KASH5: variants seen among roughly 807,000 people sequenced by gnomAD.
KASH5 encodes the protein KASH domain containing 5.
Under a neutral mutation model 84.2 loss-of-function variants are expected in KASH5, and 72 were observed. The ratio of observed to expected loss-of-function variants is 0.85; its 90% CI spans 0.71 to 1.04. KASH5 has a LOEUF of 1.04. KASH5 is among the 50% of genes least tolerant of loss of function. The probability of loss-of-function intolerance (pLI) is 0.00; values close to 1 mark genes in which losing one functional copy is unlikely to be tolerated. For synonymous variants in KASH5, 260 were observed against 279.1 expected (o/e 0.93, Z 0.68); for missense variants, 650 against 701.0 (o/e 0.93, Z 0.82).
chr19:49,392,706 G>C (rs1974040328), intron 2 of KASH5, among the ~76,000 whole-genome samples: 1 of 152,154 alleles, frequency 6.6e-6, no homozygotes, highest in Admixed American at 6.5e-5. Flanking sequence ...GAGGTCAGGA[G>C]TTCGAGACCA....
chr19:49,414,830 C>T lies in KASH5; in HGVS notation c.1329-121C>T, dbSNP rs1974848061. ...CGTGCTGCCTGGCCTCCCCCAGGCC[C>T]GTCCGTGCTGCCTGGCCTGTGCTAA... is the stretch of plus-strand genomic sequence containing the variant. On this transcript the variant is annotated intron_variant, in intron 16 of 19. Coordinates refer to ENST00000447857, the MANE Select transcript of KASH5 (RefSeq NM_144688.5). This position sits in a 1 kb window ranked among gnomAD's most constrained non-coding sequence, Gnocchi z 4.5. 4 of 1,095,238 alleles carry T rather than the reference C, an allele frequency of 3.7e-6. No individual in the cohort carries two copies. Among genetic ancestry groups the T allele is most frequent in the Admixed American group, 2.0e-5 (1 of 50,118 alleles). 67.8% of individuals were successfully genotyped at this position (1,095,238 alleles called of 1,614,324 possible).
At chr19:49,394,399 G>A (rs1974105297) in intron 2 of KASH5, 77 bp from the exon 3 acceptor site, 2 of 1,117,692 alleles carry the variant, frequency 1.8e-6, no homozygotes, top group African/African-American at 1.5e-5. Context: ...CAGAGCCCAG[G>A]AGGCTGAGGA....
intron 12 of KASH5, among the ~76,000 whole-genome samples, 152 bp downstream of exon 12, chr19:49,407,823 C>G (rs1055711556): frequency 6.6e-6 from 1 of 152,204 alleles, no homozygotes; most frequent in East Asian, 1.9e-4. Flanking sequence ...CTGCATGTCT[C>G]CCCCTCTGTT....
In KASH5 at chr19:49,407,104, A is replaced by G. The variant is rs1331318872; in HGVS notation, c.877-136A>G. 2.3e-6 allele frequency: 3 copies of G among 1,288,592 alleles called. No individual in the cohort carries two copies. The Admixed American group carries it at 6.4e-5, about 28-fold the overall frequency. The allele number at this position is 1,288,592 out of a possible 1,614,324, so 79.8% of individuals were successfully genotyped here. On this transcript the variant is annotated intron_variant, in intron 10 of 19. Transcript: ENST00000447857. The stretch of plus-strand genomic sequence containing the variant: ...CTCCCAGGACCACCCAGGCATCCCT[A>G]AAATCCCTGAAGTCCTGGAACATCT...
In KASH5 at chr19:49,409,235, C is replaced by A; in HGVS notation, c.1098C>A (p.Thr366=). The A allele has an allele frequency of 6.2e-7, 1 of 1,613,920 alleles. No homozygotes were observed. Among genetic ancestry groups the A allele is most frequent in the Non-Finnish European group, 8.5e-7 (1 of 1,179,870 alleles). Residue 366 remains threonine, a synonymous_variant, in exon 14 of 20, where the codon ACC becomes ACA. Transcript: ENST00000447857. ...CCCAGCTGAGAAGAGTGGGCTGGAC[C>A]GAGCTGCTACCCCCATCGCTGGGCT... The part of the protein sequence containing the change: ...EGAQLRRVGW[T]ELLPPSLGLE...
intron 12 of KASH5, 76 bp from the exon 13 acceptor site, chr19:49,408,891 G>A: frequency 1.4e-6 from 2 of 1,477,724 alleles, no homozygotes; most frequent in Non-Finnish European, 1.8e-6. Flanking sequence ...AAGAACCCTG[G>A]AAGAGGAGCC....
rs148857519 is a variant in KASH5, at chr19:49,417,112, T to TG, written c.1439+37dup. On this transcript the variant is annotated intron_variant, in intron 18 of 19. Transcript: ENST00000447857. This position sits in a 1 kb window ranked among gnomAD's most constrained non-coding sequence, Gnocchi z 5.2. Reference sequence around the variant, plus strand: ...GACCCACAGGGTCCAGGAGGGACACTGGGGCAAGGAAAAACCCAGTGGTGA... The same window carrying TG: ...GACCCACAGGGTCCAGGAGGGACACTGGGGGCAAGGAAAAACCCAGTGGTGA... 8.8e-3 allele frequency: 14,127 copies of TG among 1,608,462 alleles called. 591 individuals are homozygous for TG. In the African/African-American group the frequency reaches 0.12, roughly 13 times the overall value.
At position 49,414,504 on chromosome 19, in the gene KASH5, T is replaced by G. The variant is rs1600957747; in HGVS notation, c.1329-447T>G. Among the ~76,000 whole-genome samples, 1 of 152,004 alleles carries G rather than the reference T, an allele frequency of 6.6e-6. No individual in the cohort carries two copies. Among genetic ancestry groups the G allele is most frequent in the Non-Finnish European group, 1.5e-5 (1 of 67,976 alleles). Reference sequence around the variant, plus strand: ...TACAGAGGCCTGAATCTCTGGTATTTTGGAGGGTGAGAGAGCCAGAAGCCT... The same window carrying G: ...TACAGAGGCCTGAATCTCTGGTATTGTGGAGGGTGAGAGAGCCAGAAGCCT... On this transcript the variant is annotated intron_variant, in intron 16 of 19. Transcript: ENST00000447857. This position sits in a 1 kb window ranked among gnomAD's most constrained non-coding sequence, Gnocchi z 4.5.
chr19:49,399,356 T>C lies in KASH5; in HGVS notation c.748-101T>C. On this transcript the variant is annotated intron_variant, in intron 8 of 19. Transcript: ENST00000447857. The surrounding 1 kb of genome is among the most constrained non-coding windows in gnomAD (Gnocchi z 4.4). ...GAGCCATCAGGGCTTCCCAGACCCATTCCCCCAGGCCCTGGTTGTGTTTTC... is the reference window on the plus strand; with the variant it reads ...GAGCCATCAGGGCTTCCCAGACCCACTCCCCCAGGCCCTGGTTGTGTTTTC... The C allele has an allele frequency of 8.2e-7, 1 of 1,218,004 alleles. No homozygotes were observed. The highest frequency in any genetic ancestry group is 1.2e-6 in the Non-Finnish European group (1 of 851,276). The allele number at this position is 1,218,004 out of a possible 1,614,324, so 75.4% of individuals were successfully genotyped here. A position where few individuals can be genotyped will look rare whatever the true frequency, so the allele number is the denominator to read the frequency against.
chr19:49,409,826 A>G lies in KASH5; in HGVS notation c.1220A>G (p.Glu407Gly), dbSNP rs760472713. Residue 407 changes from glutamate to glycine, a missense_variant, in exon 15 of 20, where the codon GAG becomes GGG. Transcript: ENST00000447857. ...GVWQWEEVIH[E>G]TSEETEFPSE... Reference sequence around the variant, plus strand: ...TGGCAGTGGGAGGAAGTCATCCATGAGACCAGTGAGGAAACTGAGTTTCCA... The same window carrying G: ...TGGCAGTGGGAGGAAGTCATCCATGGGACCAGTGAGGAAACTGAGTTTCCA... 1.2e-6 allele frequency: 2 copies of G among 1,614,014 alleles called. No homozygotes were observed.
intron 2 of KASH5, chr19:49,391,792 C>A (rs542637432): frequency 1.3e-5 from 2 of 152,236 alleles, no homozygotes; most frequent in African/African-American, 4.8e-5. Flanking sequence ...GTAGGTTGAA[C>A]GGGTGTGAAA....
intron 5 of KASH5, among the ~76,000 whole-genome samples, chr19:49,397,221 T>A (rs1600906326): frequency 6.6e-6 from 1 of 151,214 alleles, no homozygotes; most frequent in South Asian, 2.1e-4. Context: ...GAGGCTCTGG[T>A]GAGGATCCAA....
chr19:49,396,921 G>A (rs957062128), intron 5 of KASH5, among the ~76,000 whole-genome samples: 8 of 152,068 alleles, frequency 5.3e-5, no homozygotes, highest in African/African-American at 1.4e-4. Context: ...AGCTGAGTGC[G>A]GTGGCATGTA....
intron 2 of KASH5, among the ~76,000 whole-genome samples, chr19:49,392,863 G>C (rs150856868): frequency 0.011 from 1,735 of 151,228 alleles, 38 homozygotes; most frequent in African/African-American, 0.04. Flanking sequence ...AGTGAGCGGA[G>C]ATCACGCTAC....
chr19:49,394,591 C>T lies in KASH5; in HGVS notation c.148+11C>T. On this transcript the variant is annotated intron_variant, in intron 3 of 19. Coordinates refer to ENST00000447857, the MANE Select transcript of KASH5 (RefSeq NM_144688.5). ...ACCCTCAGAGGACAGGTGGTGGGGG[C>T]ATGAGGGGTGCTGGGGACCAGTGCG... The T allele has an allele frequency of 6.2e-7, 1 of 1,602,690 alleles. No individual in the cohort carries two copies. Among genetic ancestry groups the T allele is most frequent in the South Asian group, 1.1e-5 (1 of 90,862 alleles).
At chr19:49,407,207 G>T (rs1407230010) in intron 10 of KASH5, 33 bp from the exon 11 acceptor site, 1 of 1,611,618 alleles carries the variant, frequency 6.2e-7, no homozygotes, top group Non-Finnish European at 8.5e-7. Flanking sequence ...GTCCTGGGAG[G>T]CTGGATGGAT....
chr19:49,394,245 A>G (rs771853794), intron 2 of KASH5, among the ~76,000 whole-genome samples: 1 of 152,164 alleles, frequency 6.6e-6, no homozygotes, highest in South Asian at 2.1e-4. Flanking sequence ...ATTGGACACA[A>G]AAAGACAGCA....
chr19:49,400,037 C>T (rs969557972), intron 9 of KASH5, among the ~76,000 whole-genome samples: 2 of 151,914 alleles, frequency 1.3e-5, no homozygotes, highest in Admixed American at 6.6e-5. Flanking sequence ...GAGACCATCC[C>T]GGGCAACATG....
chr19:49,407,692 A>C lies in KASH5; in HGVS notation c.993+21A>C, dbSNP rs769652025. On this transcript the variant is annotated intron_variant, in intron 12 of 19. Transcript: ENST00000447857. ...CGCAGGTAACTCAGCGGCCCTCGCC[A>C]CCCACCGCGGCCCTCGCCACTTCTC... 2.5e-6 allele frequency: 4 copies of C among 1,588,178 alleles called. No homozygotes were observed. The East Asian group carries it at 9.2e-5, about 37-fold the overall frequency.
Sources: gnomAD v4.1 joint callset for allele counts (sites outside exome capture counted in the v4.1 genomes callset) on GRCh38, gnomAD v4.1.1 for gene constraint, Gnocchi (gnomAD v3.1) non-coding constraint, MANE v1.5 for transcripts, NCBI Gene and HGNC (gene_info 2026-07-23, HGNC 2026-07-21) for gene names.